Variants in SPTLC3 observed in about 807,000 individuals in gnomAD.
SPTLC3 encodes the protein serine palmitoyltransferase long chain base subunit 3.
In SPTLC3, 36 loss-of-function variants were observed where a neutral mutation model predicts 59.3. That is an observed-to-expected ratio of 0.61 (90% CI 0.47 to 0.80). The LOEUF is 0.80. SPTLC3 is among the 30% of genes least tolerant of loss of function. SPTLC3 has a pLI of 0.00. For missense variants in SPTLC3, 625 were observed against 685.1 expected (o/e 0.91, Z 0.98); for synonymous variants, 257 against 240.8 (o/e 1.07, Z -0.62).
intron 4 of SPTLC3, among the ~76,000 whole-genome samples, chr20:13,079,528 T>C (rs898322586): frequency 1.3e-5 from 2 of 151,246 alleles, no homozygotes; most frequent in Admixed American, 1.3e-4. Context: ...AATAAATGAG[T>C]GAATGAATAA....
At chr20:13,078,355 A>C (rs1237742857) in intron 4 of SPTLC3, among the ~76,000 whole-genome samples, 1 of 151,340 alleles carries the variant, frequency 6.6e-6, no homozygotes. Context: ...ATATTGAAAT[A>C]GCTAAGAAGT....
At chr20:13,147,181 C>T (rs1191636644) in intron 9 of SPTLC3, among the ~76,000 whole-genome samples, 1 of 152,114 alleles carries the variant, frequency 6.6e-6, no homozygotes, top group Non-Finnish European at 1.5e-5. Flanking sequence ...GCCTGGAGAG[C>T]CCTTGGAACA....
intron 6 of SPTLC3, among the ~76,000 whole-genome samples, chr20:13,103,404 G>T (rs188866639): frequency 1.5e-4 from 23 of 152,282 alleles, no homozygotes; most frequent in African/African-American, 5.5e-4. Flanking sequence ...ATGTCCAAAG[G>T]AATAAGAGGA....
At chr20:13,037,059 CT>C (rs1986768483) in intron 1 of SPTLC3, among the ~76,000 whole-genome samples, 1 of 152,138 alleles carries the variant, frequency 6.6e-6, no homozygotes. Context: ...TAAAAAATGC[CT>C]TCCCCTTATG....
At chr20:13,144,437 A>G (rs2038458011) in intron 9 of SPTLC3, among the ~76,000 whole-genome samples, 1 of 152,318 alleles carries the variant, frequency 6.6e-6, no homozygotes, top group Admixed American at 6.5e-5. Context: ...TATTACTATC[A>G]TCCCCATTTA....
At chr20:13,139,503 G>A (rs760552708) in intron 9 of SPTLC3, among the ~76,000 whole-genome samples, 11 of 152,140 alleles carry the variant, frequency 7.2e-5, no homozygotes, top group Non-Finnish European at 1.5e-4. Context: ...TTCAATGTAC[G>A]GTTTCCAAAG....
At chr20:13,154,583 G>A (rs2038723235) in intron 10 of SPTLC3, among the ~76,000 whole-genome samples, 1 of 152,132 alleles carries the variant, frequency 6.6e-6, no homozygotes, top group Non-Finnish European at 1.5e-5. Flanking sequence ...TCAAGCGTGG[G>A]GAAGCTGAGG....
intron 9 of SPTLC3, among the ~76,000 whole-genome samples, chr20:13,134,052 G>T (rs763440667): frequency 9.8e-5 from 15 of 152,318 alleles, no homozygotes; most frequent in Non-Finnish European, 1.8e-4. Flanking sequence ...AGGTGTGTCT[G>T]CCATACAGGG....
intron 1 of SPTLC3, among the ~76,000 whole-genome samples, chr20:13,044,969 C>G (rs530342796): frequency 1.9e-4 from 28 of 149,790 alleles, no homozygotes; most frequent in African/African-American, 6.9e-4. Flanking sequence ...ACATTTTGCT[C>G]TACATTATGG....
chr20:13,041,098 C>T (rs1447429694), intron 1 of SPTLC3, among the ~76,000 whole-genome samples: 1 of 152,082 alleles, frequency 6.6e-6, no homozygotes. Context: ...TATCATTAAG[C>T]TTCCATAGGT....
chr20:13,020,338 C>T (rs1209697889), intron 1 of SPTLC3, among the ~76,000 whole-genome samples: 1 of 134,828 alleles, frequency 7.4e-6, no homozygotes, highest in Non-Finnish European at 1.6e-5. Flanking sequence ...ATGGCAAGAC[C>T]CCATTTCTTA....
chr20:13,107,772 G>T (rs1360468119), intron 6 of SPTLC3, among the ~76,000 whole-genome samples: 8 of 132,652 alleles, frequency 6.0e-5, no homozygotes, highest in South Asian at 2.2e-4. Context: ...AAAGGAAAAT[G>T]ACCTTTTTTT....
chr20:13,136,336 C>T (rs1040923421), intron 9 of SPTLC3, among the ~76,000 whole-genome samples: 4 of 152,078 alleles, frequency 2.6e-5, no homozygotes, highest in African/African-American at 7.2e-5. Flanking sequence ...GTGGCTCACA[C>T]CTGTAATTCC....
At chr20:13,127,153 T>C (rs994124707) in intron 9 of SPTLC3, among the ~76,000 whole-genome samples, 29 of 152,222 alleles carry the variant, frequency 1.9e-4, no homozygotes, top group African/African-American at 7.0e-4. Flanking sequence ...CCACTGGCCA[T>C]TGAGGATATA....
intron 7 of SPTLC3, among the ~76,000 whole-genome samples, chr20:13,110,452 A>T (rs1990167916): frequency 6.6e-6 from 1 of 152,206 alleles, no homozygotes; most frequent in Non-Finnish European, 1.5e-5. Flanking sequence ...AGGCTTCCTC[A>T]GAAATATCCT....
chr20:13,110,031 T>C (rs964770241), intron 6 of SPTLC3, 81 bp from the exon 7 acceptor site: 14 of 1,245,658 alleles, frequency 1.1e-5, no homozygotes, highest in Non-Finnish European at 1.6e-5. Context: ...AGTGTGAACA[T>C]AAAACATCTG....
chr20:13,032,298 T>C (rs190383394), intron 1 of SPTLC3, among the ~76,000 whole-genome samples: 1 of 152,290 alleles, frequency 6.6e-6, no homozygotes, highest in African/African-American at 2.4e-5. Context: ...CCAATTGACT[T>C]AGAACCTTCA....
At chr20:13,116,643 C>A (rs146802892) in intron 7 of SPTLC3, among the ~76,000 whole-genome samples, 79 of 152,160 alleles carry the variant, frequency 5.2e-4, no homozygotes, top group African/African-American at 1.7e-3. Flanking sequence ...TGTATCTGTC[C>A]CAGATCACAG....
At chr20:13,053,925 GA>G (rs1987608492) in intron 2 of SPTLC3, among the ~76,000 whole-genome samples, 1 of 152,172 alleles carries the variant, frequency 6.6e-6, no homozygotes, top group Middle Eastern at 3.2e-3. Context: ...TGATGTACCT[GA>G]AAGTGACAGG....
Sources: allele counts gnomAD v4.1 joint callset (sites outside exome capture counted in the v4.1 genomes callset), GRCh38; gene constraint gnomAD v4.1.1; transcripts MANE v1.5; gene names NCBI Gene and HGNC (gene_info 2026-07-23, HGNC 2026-07-21).